Variants in HS3ST4 observed in about 807,000 individuals in gnomAD.
HS3ST4 encodes heparan sulfate glucosamine 3-O-sulfotransferase 4.
Under a neutral mutation model 29.2 loss-of-function variants are expected in HS3ST4, and 17 were observed. The observed-to-expected ratio is 0.58, with a 90% confidence interval of 0.40 to 0.87. The LOEUF (loss-of-function observed/expected upper bound fraction) is 0.87, where lower values mean the gene tolerates loss of function less well. HS3ST4 is among the 40% of genes least tolerant of loss of function. The pLI, the probability that HS3ST4 is intolerant of heterozygous loss-of-function variation, is 0.00. For synonymous variants in HS3ST4, 314 were observed against 285.7 expected, an observed-to-expected ratio of 1.10 and a Z score of -1.00; for missense variants, 627 against 634.5, an observed-to-expected ratio of 0.99 and a Z score of 0.13.
intron 1 of HS3ST4, among the ~76,000 whole-genome samples, chr16:26,051,208 G>C (rs1898341865): frequency 6.6e-6 from 1 of 152,076 alleles, no homozygotes; most frequent in Non-Finnish European, 1.5e-5. Context: ...CCTTCCTGTG[G>C]GGGTGGGGAG....
chr16:26,101,468 G>T (rs1423324731), intron 1 of HS3ST4, among the ~76,000 whole-genome samples: 1 of 152,222 alleles, frequency 6.6e-6, no homozygotes, highest in Non-Finnish European at 1.5e-5. Context: ...TGAAGGCAGA[G>T]AACTTGTCCA....
intron 1 of HS3ST4, among the ~76,000 whole-genome samples, chr16:25,864,885 A>AAT (rs926356466): frequency 2.3e-4 from 34 of 150,136 alleles, no homozygotes; most frequent in East Asian, 5.8e-4. Flanking sequence ...TATACAATGG[A>AAT]ATATATATAT....
At chr16:26,018,986 A>G (rs545615060) in intron 1 of HS3ST4, among the ~76,000 whole-genome samples, 2 of 152,264 alleles carry the variant, frequency 1.3e-5, no homozygotes, top group Admixed American at 1.3e-4. Flanking sequence ...GGCTCCTGCC[A>G]CTATGTGACT....
At chr16:25,760,082 G>A (rs1258563686) in intron 1 of HS3ST4, among the ~76,000 whole-genome samples, 8 of 152,060 alleles carry the variant, frequency 5.3e-5, no homozygotes, top group South Asian at 2.1e-4. Context: ...GACTTTGTGC[G>A]TCTATGAGGG....
At chr16:25,960,423 A>C (rs1968783431) in intron 1 of HS3ST4, among the ~76,000 whole-genome samples, 3 of 152,208 alleles carry the variant, frequency 2.0e-5, no homozygotes, top group Non-Finnish European at 4.4e-5. Context: ...CTGGGATTCA[A>C]CCCAACTCCT....
At chr16:25,696,602 G>A (rs1401807809) in intron 1 of HS3ST4, among the ~76,000 whole-genome samples, 2 of 152,024 alleles carry the variant, frequency 1.3e-5, no homozygotes, top group African/African-American at 4.8e-5. Context: ...GGATTCAAGC[G>A]ATTCTCCTGC....
chr16:26,011,533 C>G (rs1312857464), intron 1 of HS3ST4, among the ~76,000 whole-genome samples: 1 of 152,128 alleles, frequency 6.6e-6, no homozygotes, highest in Non-Finnish European at 1.5e-5. Flanking sequence ...GCATGCCAGC[C>G]TGGGTGACAG....
rs1421479074 is a variant in HS3ST4 at position 25,692,623 on chromosome 16, C to T, written c.206C>T (p.Pro69Leu). ...TTCCCTCTGGCGCTGCAGGAGTCGCCGGGCGCCGCCGCCGAGCCCCCGCCG... is the reference window on the plus strand; with the variant it reads ...TTCCCTCTGGCGCTGCAGGAGTCGCTGGGCGCCGCCGCCGAGCCCCCGCCG... Reference protein sequence around the residue: ...LQFPLALQESPGAAAEPPPSP... With the variant: ...LQFPLALQESLGAAAEPPPSP... Residue 69 changes from proline to leucine, a missense_variant, in exon 1 of 2, where the codon CCG becomes CTG. By Grantham distance (98) the Pro-to-Leu change is moderately conservative. Around this residue, in one of 2 missense-constraint regions of HS3ST4, gnomAD observed 402 missense variants for 340.8 expected, o/e 1.18. Coordinates refer to ENST00000331351, the MANE Select transcript of HS3ST4 (RefSeq NM_006040.3). 1.5e-5 allele frequency: 21 copies of T among 1,368,930 alleles called. No individual in the cohort carries two copies. Among genetic ancestry groups the T allele is most frequent in the East Asian group, 3.3e-5 (1 of 30,182 alleles). 84.8% of individuals were successfully genotyped at this position (1,368,930 alleles called of 1,614,324 possible).
intron 1 of HS3ST4, among the ~76,000 whole-genome samples, chr16:26,120,415 A>G (rs1336854335): frequency 6.6e-6 from 1 of 152,232 alleles, no homozygotes; most frequent in Non-Finnish European, 1.5e-5. Flanking sequence ...TGAAGGAAAC[A>G]GTTCAAGGAC....
At chr16:25,789,395 CTT>C (rs1966863435) in intron 1 of HS3ST4, among the ~76,000 whole-genome samples, 1 of 143,356 alleles carries the variant, frequency 7.0e-6, no homozygotes, top group East Asian at 2.0e-4. Flanking sequence ...CTTTCTCTTT[CTT>C]TGTTTTTTCC....
At chr16:25,723,190 A>G (rs1178330240) in intron 1 of HS3ST4, among the ~76,000 whole-genome samples, 1 of 152,238 alleles carries the variant, frequency 6.6e-6, no homozygotes, top group Non-Finnish European at 1.5e-5. Flanking sequence ...GGGTAGTGAC[A>G]CGGCTAAACC....
At chr16:25,755,067 A>G (rs1023346449) in intron 1 of HS3ST4, among the ~76,000 whole-genome samples, 2 of 151,674 alleles carry the variant, frequency 1.3e-5, no homozygotes, top group Non-Finnish European at 2.9e-5. Flanking sequence ...CACTCAGCCT[A>G]CTATCCATCC....
At chr16:26,060,412 G>A (rs1898461229) in intron 1 of HS3ST4, among the ~76,000 whole-genome samples, 1 of 152,196 alleles carries the variant, frequency 6.6e-6, no homozygotes, top group African/African-American at 2.4e-5. Context: ...TTGCTCCAGG[G>A]ACTTCCTGGT....
chr16:26,108,471 T>A (rs1899085606), intron 1 of HS3ST4, among the ~76,000 whole-genome samples: 1 of 152,212 alleles, frequency 6.6e-6, no homozygotes, highest in Non-Finnish European at 1.5e-5. Context: ...AACTCTCTTT[T>A]CCTTTTTGGT....
chr16:25,769,278 G>A (rs1412276766), intron 1 of HS3ST4, among the ~76,000 whole-genome samples: 1 of 152,034 alleles, frequency 6.6e-6, no homozygotes, highest in Non-Finnish European at 1.5e-5. Context: ...GTGTGTGTCT[G>A]TGTGTGTGTG....
chr16:25,896,282 C>T (rs972021080), intron 1 of HS3ST4, among the ~76,000 whole-genome samples: 1 of 152,152 alleles, frequency 6.6e-6, no homozygotes, highest in Non-Finnish European at 1.5e-5. Context: ...TAATAGCCTT[C>T]AACCCTCATT....
chr16:25,898,670 A>C (rs1053565319), intron 1 of HS3ST4, among the ~76,000 whole-genome samples: 1 of 152,226 alleles, frequency 6.6e-6, no homozygotes, highest in Non-Finnish European at 1.5e-5. Flanking sequence ...CGGAAGCATG[A>C]ATATGATGAA....
intron 1 of HS3ST4, among the ~76,000 whole-genome samples, chr16:25,747,795 G>T (rs921259915): frequency 3.3e-5 from 5 of 152,126 alleles, no homozygotes; most frequent in African/African-American, 1.2e-4. Flanking sequence ...ATTCGTAGTT[G>T]GAGTCTTACT....
At chr16:25,698,471 T>A (rs1966313952) in intron 1 of HS3ST4, among the ~76,000 whole-genome samples, 1 of 152,222 alleles carries the variant, frequency 6.6e-6, no homozygotes, top group South Asian at 2.1e-4. Context: ...AAAACGTGGC[T>A]TTAAGACTTA....
Sources: allele counts gnomAD v4.1 joint callset (sites outside exome capture counted in the v4.1 genomes callset), GRCh38; gene constraint gnomAD v4.1.1; regional missense constraint gnomAD v4.1.1; transcripts MANE v1.5; gene names NCBI Gene and HGNC (gene_info 2026-07-23, HGNC 2026-07-21).